Variants in PMPCB observed in about 807,000 individuals in gnomAD.
PMPCB encodes peptidase, mitochondrial processing subunit beta.
Under a neutral mutation model 61.5 loss-of-function variants are expected in PMPCB, and 46 were observed. The observed-to-expected ratio is 0.75, with a 90% CI of 0.59 to 0.96. PMPCB has a LOEUF of 0.96. PMPCB is among the 40% of genes least tolerant of loss of function. The probability of loss-of-function intolerance (pLI) is 0.00; values close to 1 mark genes in which losing one functional copy is unlikely to be tolerated. For synonymous variants in PMPCB, 191 were observed against 201.6 expected (o/e 0.95, Z 0.44); for missense variants, 590 against 602.4 (o/e 0.98, Z 0.22).
Position 103,314,311 on chromosome 7 carries a change from T to C in PMPCB, c.*2040T>C. 1 of 984,966 alleles carries C rather than the reference T, an allele frequency of 1.0e-6. No individual in the cohort carries two copies. The highest frequency in any genetic ancestry group is 1.2e-6 in the Non-Finnish European group (1 of 829,472). 61.0% of individuals were successfully genotyped at this position (984,966 alleles called of 1,614,324 possible). A position where few individuals can be genotyped will look rare whatever the true frequency, so the allele number is the denominator to read the frequency against. Reference sequence around the variant, plus strand: ...TAAACGTACTGTTGCAAAACTCCTATGAGAAATCACTATTCAAAAAATGGT... The same window carrying C: ...TAAACGTACTGTTGCAAAACTCCTACGAGAAATCACTATTCAAAAAATGGT... On this transcript the variant is annotated 3_prime_UTR_variant, in exon 13 of 13. Transcript: ENST00000249269.
At chr7:103,303,537 A>AT (rs1817503351) in intron 4 of PMPCB, among the ~76,000 whole-genome samples, 1 of 152,170 alleles carries the variant, frequency 6.6e-6, no homozygotes, top group Admixed American at 6.5e-5. Context: ...TAACTTTGTA[A>AT]TTTTCATATA....
chr7:103,339,281 T>C, the PMPCB span, among the ~76,000 whole-genome samples: 1 of 152,226 alleles, frequency 6.6e-6, no homozygotes, highest in Non-Finnish European at 1.5e-5. Context: ...CCATATTTGA[T>C]GAATGAAAAT....
downstream of PMPCB, chr7:103,315,933 T>G: frequency 6.5e-7 from 1 of 1,547,464 alleles, no homozygotes; most frequent in Admixed American, 1.8e-5. Context: ...TTAAATTGCA[T>G]AAGTTATTTT....
At chr7:103,319,561 CAGAATTAAATGCTACA>C, downstream of PMPCB, 1 of 1,568,852 alleles carries the variant, frequency 6.4e-7, no homozygotes, top group Non-Finnish European at 8.8e-7. Context: ...CAGGTCAAAG[CAGAATTAAATGCTACA>C]TATAGGTAGG....
downstream of PMPCB, chr7:103,315,931 C>T: frequency 6.5e-7 from 1 of 1,545,020 alleles, no homozygotes; most frequent in Admixed American, 1.8e-5. Context: ...CATTAAATTG[C>T]ATAAGTTATT....
intron 12 of PMPCB, among the ~76,000 whole-genome samples, chr7:103,324,047 G>C (rs532020948): frequency 6.6e-6 from 1 of 152,110 alleles, no homozygotes; most frequent in East Asian, 1.9e-4. Flanking sequence ...ACTAAATCTT[G>C]TTATTTTTGT....
chr7:103,309,645 T>C (rs1393353806), intron 8 of PMPCB, among the ~76,000 whole-genome samples: 1 of 152,246 alleles, frequency 6.6e-6, no homozygotes, highest in Non-Finnish European at 1.5e-5. Flanking sequence ...CTGTGGATTT[T>C]GGTATCCACA....
At chr7:103,322,792 C>T (rs538268471) in intron 12 of PMPCB, 6 of 1,601,856 alleles carry the variant, frequency 3.7e-6, no homozygotes, top group Admixed American at 1.7e-5. Flanking sequence ...CCTCTCATCA[C>T]GACTATAAAA....
intron 6 of PMPCB, among the ~76,000 whole-genome samples, chr7:103,305,254 A>T (rs991056285): frequency 2.6e-5 from 4 of 152,172 alleles, no homozygotes; most frequent in African/African-American, 9.7e-5. Context: ...AGAATGTTGA[A>T]TGGGAATCCA....
the PMPCB span, chr7:103,344,701 C>T: frequency 1.4e-6 from 2 of 1,459,146 alleles, no homozygotes; most frequent in East Asian, 2.3e-5. Context: ...TCCAGCTCTA[C>T]CTCTCACTCC....
downstream of PMPCB, chr7:103,316,008 G>C (rs1285481016): frequency 6.3e-7 from 1 of 1,599,088 alleles, no homozygotes; most frequent in Non-Finnish European, 8.5e-7. Flanking sequence ...GAGACTCTTT[G>C]CTTTGCCAAT....
At chr7:103,317,150 C>A (rs999196140), downstream of PMPCB, 9 of 748,834 alleles carry the variant, frequency 1.2e-5, no homozygotes, top group South Asian at 1.5e-4. Flanking sequence ...TCAGGCCAAC[C>A]CAAAAAGAAG....
chr7:103,319,746 A>G, intron 12 of PMPCB: 3 of 1,614,228 alleles, frequency 1.9e-6, no homozygotes, highest in Non-Finnish European at 8.5e-7. Flanking sequence ...TAGCAGTTCC[A>G]TAGGTATACC....
the PMPCB span, among the ~76,000 whole-genome samples, chr7:103,340,008 T>C: frequency 2.0e-5 from 3 of 152,276 alleles, no homozygotes; most frequent in South Asian, 6.2e-4. Flanking sequence ...CTGGCTAATT[T>C]TGTATTTTTA....
At chr7:103,344,460 G>T in the PMPCB span, 3 of 1,397,470 alleles carry the variant, frequency 2.1e-6, no homozygotes, top group Non-Finnish European at 3.0e-6. Context: ...GGGGCTAGTC[G>T]CCAGGGTCAA....
chr7:103,323,717 C>A (rs1477410379), intron 12 of PMPCB: 25 of 1,242,972 alleles, frequency 2.0e-5, no homozygotes, highest in Non-Finnish European at 2.7e-5. Flanking sequence ...AAAAAAAATT[C>A]TTTTTAATGC....
At chr7:103,322,371 C>T in intron 12 of PMPCB, 1 of 929,006 alleles carries the variant, frequency 1.1e-6, no homozygotes, top group Non-Finnish European at 1.5e-6. Context: ...ATTATACCAA[C>T]TGGTCATGAT....
rs1363014664 is a variant in PMPCB at position 103,309,050 on chromosome 7, A to C, written c.948A>C (p.Ala316=). The C allele has an allele frequency of 1.2e-6, 2 of 1,606,812 alleles. No individual in the cohort carries two copies. The highest frequency in any genetic ancestry group is 2.3e-5 in the East Asian group (1 of 44,338). The change falls in exon 8 of 13, where the codon GCA becomes GCC. Residue 316 remains alanine (A), a synonymous_variant. Transcript: ENST00000249269. ...AHPDTICLMV[A]NTLIGNWDRS... The stretch of plus-strand genomic sequence containing the variant: ...CAGATACAATCTGTCTCATGGTTGC[A>C]AACACGCTGATTGGCAACTGGGATC...
chr7:103,312,473 A>ATACTT lies in PMPCB; in HGVS notation c.*204_*208dup. On this transcript the variant is annotated 3_prime_UTR_variant, in exon 13 of 13. Transcript: ENST00000249269. Reference sequence around the variant, plus strand: ...TCTGAGAAATTATGTTGGAAGCAGCATACTTTCAAATTATTACCATGAGTA... The same window carrying ATACTT: ...TCTGAGAAATTATGTTGGAAGCAGCATACTTTACTTTCAAATTATTACCATGAGTA... 6.4e-7 allele frequency: 1 copy of ATACTT among 1,551,468 alleles called. No individual in the cohort carries two copies. Among genetic ancestry groups the ATACTT allele is most frequent in the Non-Finnish European group, 8.7e-7 (1 of 1,155,602 alleles).
Sources: gnomAD v4.1 joint callset for allele counts (sites outside exome capture counted in the v4.1 genomes callset) on GRCh38, gnomAD v4.1.1 for gene constraint, MANE v1.5 for transcripts, NCBI Gene and HGNC (gene_info 2026-07-23, HGNC 2026-07-21) for gene names.